RIPK1: variants seen among roughly 807,000 people sequenced by gnomAD.
RIPK1 encodes receptor interacting serine/threonine kinase 1, also known as receptor-interacting serine/threonine-protein kinase 1.
RIPK1 carries 27 observed loss-of-function variants against 62.4 expected under a neutral mutation model. The ratio of observed to expected loss-of-function variants is 0.43; its 90% CI spans 0.32 to 0.60. The LOEUF is 0.60. Ranked by LOEUF, RIPK1 falls within the 20% of genes least tolerant of loss-of-function variation. The pLI is 0.07. For missense variants in RIPK1, 735 were observed against 831.0 expected, an observed-to-expected ratio of 0.88 and a Z score of 1.42; for synonymous variants, 287 against 303.2, an observed-to-expected ratio of 0.95 and a Z score of 0.55.
chr6:3,094,115 T>C (rs1760149115), intron 7 of RIPK1, among the ~76,000 whole-genome samples: 1 of 141,186 alleles, frequency 7.1e-6, no homozygotes, highest in Non-Finnish European at 1.5e-5. Context: ...GCAGAGTACC[T>C]ACCTGCCGCA....
Position 3,068,604 on chromosome 6 carries a change from G to C in RIPK1, c.-118G>C. On this transcript the variant is annotated 5_prime_UTR_variant, in exon 1 of 11. Transcript: ENST00000259808. ...GGCGCCAGAGCGCGGCCATCCGGGC[G>C]GGGCCGACGGAGCGCGGCAGGACTT... 1 of 985,304 alleles carries C rather than the reference G, an allele frequency of 1.0e-6. No homozygotes were observed. The highest frequency in any genetic ancestry group is 1.2e-6 in the Non-Finnish European group (1 of 829,932). The allele number at this position is 985,304 out of a possible 1,614,324, so 61.0% of individuals were successfully genotyped here.
chr6:3,071,260 G>A (rs539127604), intron 1 of RIPK1, among the ~76,000 whole-genome samples: 1 of 152,150 alleles, frequency 6.6e-6, no homozygotes, highest in South Asian at 2.1e-4. Context: ...GTTATGTGTG[G>A]TCATCATAGA....
At chr6:3,101,475 GACAAAA>G (rs1242767694) in intron 7 of RIPK1, among the ~76,000 whole-genome samples, 1 of 152,100 alleles carries the variant, frequency 6.6e-6, no homozygotes, top group Non-Finnish European at 1.5e-5. Context: ...CATGCAAAGA[GACAAAA>G]ACAATATATA....
chr6:3,068,415 TCCCACGAGCGGCGGGGC>T, upstream of RIPK1: 1 of 985,430 alleles, frequency 1.0e-6, no homozygotes, highest in Non-Finnish European at 1.2e-6. Flanking sequence ...GGGCGCGAGG[TCCCACGAGCGGCGGGGC>T]GGCGCTCTCG....
rs377213073 is a variant in RIPK1, at chr6:3,105,881, A to G, written c.1406A>G (p.Tyr469Cys). The stretch of plus-strand genomic sequence containing the variant: ...GTACTGTATCAGAACAATGGATTAT[A>G]TAGCTCACATGGCTTTGGAACAAGA... ...PQVLYQNNGL[Y>C]SSHGFGTRPL... The change falls in exon 9 of 11, where the codon TAT (tyrosine) becomes TGT (cysteine). Residue 469 changes from tyrosine to cysteine, a missense_variant. Physicochemically the swap from Tyr to Cys is radical, Grantham distance 194. This residue lies in a region of RIPK1 where 671 missense variants were observed against 726.2 expected (regional missense o/e 0.92). Coordinates refer to ENST00000259808, the MANE Select transcript of RIPK1 (RefSeq NM_001354930.2). The surrounding 1 kb of genome is among the most constrained non-coding windows in gnomAD (Gnocchi z 4.5). The G allele has an allele frequency of 2.4e-5, 38 of 1,614,050 alleles. No individual in the cohort carries two copies. The African/African-American group carries it at 3.6e-4, about 15-fold the overall frequency.
chr6:3,076,171 AC>A (rs2113570687), intron 1 of RIPK1, among the ~76,000 whole-genome samples: 1 of 152,262 alleles, frequency 6.6e-6, no homozygotes, highest in Admixed American at 6.5e-5. Context: ...TGTCCAACAT[AC>A]TTGTGTCCTT....
rs1163974117 is a variant in RIPK1, at chr6:3,113,228, G to C, written c.1905G>C (p.Trp635Cys). Residue 635 changes from tryptophan to cysteine, a missense_variant, in exon 11 of 11, where the codon TGG (tryptophan) becomes TGC (cysteine). This residue lies in a region of RIPK1 where 64 missense variants were observed against 104.8 expected (regional missense o/e 0.61). Transcript: ENST00000259808. This position sits in a 1 kb window ranked among gnomAD's most constrained non-coding sequence, Gnocchi z 5.0. ...KEKVYQMLQK[W>C]VMREGIKGAT... ...AGGTTTACCAGATGCTCCAAAAGTGGGTGATGAGGGAAGGCATAAAGGGAG... is the reference window on the plus strand; with the variant it reads ...AGGTTTACCAGATGCTCCAAAAGTGCGTGATGAGGGAAGGCATAAAGGGAG... 1 of 1,614,074 alleles carries C rather than the reference G, an allele frequency of 6.2e-7. No individual in the cohort carries two copies. Among genetic ancestry groups the C allele is most frequent in the Non-Finnish European group, 8.5e-7 (1 of 1,180,002 alleles).
rs1761344987 is a variant in RIPK1 at position 3,115,094 on chromosome 6, C to A, written c.*1755C>A. On this transcript the variant is annotated 3_prime_UTR_variant, in exon 11 of 11. Coordinates refer to ENST00000259808, the MANE Select transcript of RIPK1 (RefSeq NM_001354930.2). ...CACCATCCAAATGGTGTTATCAAATCTCTTAGATTCCAAAGAGGTTGAATA... is the reference window on the plus strand; with the variant it reads ...CACCATCCAAATGGTGTTATCAAATATCTTAGATTCCAAAGAGGTTGAATA... The A allele has an allele frequency of 6.6e-6, 1 of 152,132 alleles. No homozygotes were observed. The highest frequency in any genetic ancestry group is 2.4e-5 in the African/African-American group (1 of 41,436). The allele number at this position is 152,132 out of a possible 1,614,324, so 9.4% of individuals were successfully genotyped here. A position where few individuals can be genotyped will look rare whatever the true frequency, so the allele number is the denominator to read the frequency against.
intron 6 of RIPK1, among the ~76,000 whole-genome samples, chr6:3,085,817 TTA>T (rs5873855): frequency 0.93 from 140,994 of 152,110 alleles, 65,541 homozygotes; most frequent in Non-Finnish European, 0.97. Context: ...ACTGGGTGCC[TTA>T]TATATAAGTG....
chr6:3,080,008 A>G (rs1465080795), intron 3 of RIPK1, among the ~76,000 whole-genome samples: 1 of 152,198 alleles, frequency 6.6e-6, no homozygotes. Flanking sequence ...AAGAGAGGAG[A>G]GAGGGGGACC....
rs1312624359 is a variant in RIPK1 at position 3,083,052 on chromosome 6, C to G, written c.460-33C>G. Reference sequence around the variant, plus strand: ...GATCTGATTTGCTTACGGCCTTCACCAAACAATCCCAGTGGCTCAATGTCT... The same window carrying G: ...GATCTGATTTGCTTACGGCCTTCACGAAACAATCCCAGTGGCTCAATGTCT... On this transcript the variant is annotated intron_variant, in intron 4 of 10. Transcript: ENST00000259808. 4 of 1,604,552 alleles carry G rather than the reference C, an allele frequency of 2.5e-6. No homozygotes were observed. In the East Asian group the frequency reaches 6.7e-5, roughly 27 times the overall value.
Position 3,105,424 on chromosome 6 carries a change from T to C in RIPK1, c.1007-58T>C. ...ACAGATTCATGACGGCGCTCAGATT[T>C]TATTTTACTTTTTAATGTTTCATGA... On this transcript the variant is annotated intron_variant, in intron 8 of 10. Coordinates refer to ENST00000259808, the MANE Select transcript of RIPK1 (RefSeq NM_001354930.2). This position sits in a 1 kb window ranked among gnomAD's most constrained non-coding sequence, Gnocchi z 4.5. 7.4e-7 allele frequency: 1 copy of C among 1,343,114 alleles called. No individual in the cohort carries two copies. Among genetic ancestry groups the C allele is most frequent in the South Asian group, 1.5e-5 (1 of 68,654 alleles). 83.2% of individuals were successfully genotyped at this position (1,343,114 alleles called of 1,614,324 possible). A position where few individuals can be genotyped will look rare whatever the true frequency, so the allele number is the denominator to read the frequency against.
At chr6:3,108,841 G>C (rs532950716) in intron 9 of RIPK1, among the ~76,000 whole-genome samples, 1 of 152,246 alleles carries the variant, frequency 6.6e-6, no homozygotes, top group East Asian at 1.9e-4. Context: ...CCTTTCAGTA[G>C]AGAGGGTCCC....
chr6:3,102,626 A>T (rs912009716), intron 7 of RIPK1, among the ~76,000 whole-genome samples: 1 of 132,932 alleles, frequency 7.5e-6, no homozygotes, highest in African/African-American at 4.3e-5. Flanking sequence ...TCTGAGACAG[A>T]GTCTCCCTCT....
intron 1 of RIPK1, among the ~76,000 whole-genome samples, chr6:3,073,235 AT>A (rs1167929665): frequency 3.8e-5 from 5 of 130,056 alleles, no homozygotes; most frequent in Admixed American, 2.2e-4. Context: ...ACACATATAC[AT>A]TTTTATATCA....
intron 4 of RIPK1, among the ~76,000 whole-genome samples, chr6:3,081,390 T>C (rs1265855830): frequency 6.6e-6 from 1 of 152,202 alleles, no homozygotes; most frequent in African/African-American, 2.4e-5. Flanking sequence ...ACTGTGTTTT[T>C]TCCTCTGTTA....
Position 3,068,638 on chromosome 6 carries a change from G to A in RIPK1, c.-84G>A. ...GGAGCGCGGCAGGACTTGGCTGGAC[G>A]GCGCGGCCACGGAGAAGGGCGCGGT... On this transcript the variant is annotated 5_prime_UTR_variant, in exon 1 of 11. Transcript: ENST00000259808. The A allele has an allele frequency of 4.1e-6, 4 of 985,274 alleles. No homozygotes were observed. The highest frequency in any genetic ancestry group is 4.8e-6 in the Non-Finnish European group (4 of 829,922). 61.0% of individuals were successfully genotyped at this position (985,274 alleles called of 1,614,324 possible). A position where few individuals can be genotyped will look rare whatever the true frequency, so the allele number is the denominator to read the frequency against.
intron 9 of RIPK1, among the ~76,000 whole-genome samples, chr6:3,109,431 A>T (rs1761041040): frequency 6.6e-6 from 1 of 152,096 alleles, no homozygotes; most frequent in South Asian, 2.1e-4. Context: ...AGTGAAAGGA[A>T]GATCAGAGAC....
intron 1 of RIPK1, among the ~76,000 whole-genome samples, chr6:3,069,699 G>A (rs1207761593): frequency 2.6e-5 from 4 of 152,216 alleles, no homozygotes; most frequent in Admixed American, 2.0e-4. Flanking sequence ...GAGTCAAGAG[G>A]AAATTGTCTT....
Sources: allele counts gnomAD v4.1 joint callset (sites outside exome capture counted in the v4.1 genomes callset), GRCh38; gene constraint gnomAD v4.1.1; regional missense constraint gnomAD v4.1.1; non-coding constraint Gnocchi (gnomAD v3.1); transcripts MANE v1.5; gene names NCBI Gene and HGNC (gene_info 2026-07-23, HGNC 2026-07-21).